Variants in BBS9 observed in about 807,000 individuals in gnomAD.
BBS9 encodes the protein Bardet-Biedl syndrome 9, also known as protein PTHB1.
BBS9 carries 89 observed loss-of-function variants against 117.7 expected under a neutral mutation model. The ratio of observed to expected loss-of-function variants is 0.76; its 90% confidence interval spans 0.64 to 0.90. The LOEUF (loss-of-function observed/expected upper bound fraction) is 0.90, where lower values mean the gene tolerates loss of function less well. BBS9 is among the 40% of genes least tolerant of loss of function. The pLI is 0.00. For synonymous variants in BBS9, 379 were observed against 370.9 expected (o/e 1.02, Z -0.25); for missense variants, 982 against 1,042.2 (o/e 0.94, Z 0.80).
At chr7:33,565,147 G>A (rs559896087) in intron 21 of BBS9, among the ~76,000 whole-genome samples, 3 of 152,288 alleles carry the variant, frequency 2.0e-5, no homozygotes, top group South Asian at 4.1e-4. Context: ...AGTGCCTTGA[G>A]CTAGTCTTTG....
At chr7:33,319,783 G>A (rs1811304257) in intron 9 of BBS9, among the ~76,000 whole-genome samples, 1 of 152,102 alleles carries the variant, frequency 6.6e-6, no homozygotes, top group African/African-American at 2.4e-5. Context: ...CCCACAGAGT[G>A]GGAGAAAATC....
downstream of BBS9, among the ~76,000 whole-genome samples, chr7:33,609,112 G>A (rs1166399181): frequency 6.6e-6 from 1 of 151,884 alleles, no homozygotes; most frequent in Non-Finnish European, 1.5e-5. Context: ...TATTGAACAG[G>A]GATCCCTTTC....
At chr7:33,245,491 T>C (rs775935577) in intron 5 of BBS9, among the ~76,000 whole-genome samples, 15 of 152,292 alleles carry the variant, frequency 9.8e-5, no homozygotes, top group Non-Finnish European at 2.1e-4. Flanking sequence ...TTCAGGACTT[T>C]CACCTTATAT....
At chr7:33,559,909 G>A (rs977327536) in intron 21 of BBS9, among the ~76,000 whole-genome samples, 3 of 152,036 alleles carry the variant, frequency 2.0e-5, no homozygotes, top group African/African-American at 7.2e-5. Flanking sequence ...CTGATCCTGG[G>A]CATATTATTC....
chr7:33,352,811 T>C, intron 14 of BBS9, 48 bp from the exon 15 acceptor site: 1 of 1,594,418 alleles, frequency 6.3e-7, no homozygotes, highest in Non-Finnish European at 8.6e-7. Flanking sequence ...AGATAATTTG[T>C]TGCCTTCTTT....
intron 21 of BBS9, among the ~76,000 whole-genome samples, chr7:33,633,037 A>G (rs1320298271): frequency 2.0e-5 from 3 of 152,130 alleles, no homozygotes; most frequent in Admixed American, 1.3e-4. Context: ...CAGGCGGCCC[A>G]AACTAGGATT....
chr7:33,613,515 G>A (rs1020863611), intron 21 of BBS9, among the ~76,000 whole-genome samples: 1 of 151,974 alleles, frequency 6.6e-6, no homozygotes, highest in Non-Finnish European at 1.5e-5. Flanking sequence ...GAGTTGGAAG[G>A]CTGTGAGGGG....
At chr7:33,296,218 G>A (rs903408034) in intron 9 of BBS9, among the ~76,000 whole-genome samples, 6 of 152,172 alleles carry the variant, frequency 3.9e-5, no homozygotes, top group African/African-American at 1.4e-4. Context: ...GGAATTCTCC[G>A]TTAGAGACTC....
At chr7:33,592,860 T>C (rs1270205863) in intron 21 of BBS9, among the ~76,000 whole-genome samples, 1 of 152,148 alleles carries the variant, frequency 6.6e-6, no homozygotes, top group East Asian at 1.9e-4. Flanking sequence ...TCTCTTATTA[T>C]GTGGTGTCCA....
intron 19 of BBS9, among the ~76,000 whole-genome samples, chr7:33,472,175 A>C (rs1207439604): frequency 6.6e-6 from 1 of 152,198 alleles, no homozygotes; most frequent in African/African-American, 2.4e-5. Context: ...TCTTGCAGAG[A>C]AATGATATTT....
chr7:33,367,714 G>C (rs921712844), intron 16 of BBS9, 53 bp from the exon 17 acceptor site: 1 of 1,472,612 alleles, frequency 6.8e-7, no homozygotes, highest in African/African-American at 1.4e-5. Flanking sequence ...TATTTCAAAT[G>C]TGTTCATTTT....
chr7:33,391,885 TA>T (rs542493711), intron 19 of BBS9, among the ~76,000 whole-genome samples: 14 of 152,328 alleles, frequency 9.2e-5, no homozygotes, highest in African/African-American at 1.2e-4. Context: ...ACATGAGGTT[TA>T]AAAAAACGTT....
chr7:33,226,237 T>C (rs1562832923), intron 5 of BBS9, among the ~76,000 whole-genome samples: 1 of 152,224 alleles, frequency 6.6e-6, no homozygotes, highest in Non-Finnish European at 1.5e-5. Flanking sequence ...AGATTTTTTT[T>C]TTCCAGGAGA....
chr7:33,478,722 T>C (rs1003259852), intron 19 of BBS9, among the ~76,000 whole-genome samples: 3 of 152,152 alleles, frequency 2.0e-5, no homozygotes, highest in Non-Finnish European at 2.9e-5. Flanking sequence ...TTCTTTTTAT[T>C]TCACATAAAT....
intron 21 of BBS9, among the ~76,000 whole-genome samples, chr7:33,567,882 A>G (rs1857156795): frequency 6.6e-6 from 1 of 152,200 alleles, no homozygotes; most frequent in Non-Finnish European, 1.5e-5. Context: ...AGATTTAAAT[A>G]GATGCATAAA....
Position 33,533,991 on chromosome 7 carries a change from T to A in BBS9, c.2336T>A (p.Leu779Gln), listed in dbSNP as rs142434516. 3.1e-4 allele frequency: 500 copies of A among 1,614,250 alleles called. 1 individual carries two copies. The African/African-American group carries it at 6.2e-3, about 20-fold the overall frequency. The part of the protein sequence containing the change: ...EETVDAAISH[L>Q]LKTCLSKSSK... ...ACGGTGGATGCCGCCATTTCCCACC[T>A]GTTGAAGACTTGCCTGTCGAAGAGT... Residue 779 changes from leucine to glutamine, a missense_variant, in exon 21 of 23, where the codon CTG becomes CAG. Physicochemically the swap from Leu to Gln is moderately radical, Grantham distance 113 (BLOSUM62 -2). Transcript: ENST00000242067.
At chr7:33,542,709 G>A (rs368692490) in intron 21 of BBS9, among the ~76,000 whole-genome samples, 64,415 of 141,170 alleles carry the variant, frequency 0.46, 14,735 homozygotes, top group South Asian at 0.58. Flanking sequence ...ATGTGTGTGT[G>A]TGTGTGTGTG....
chr7:33,242,530 T>G (rs142129640), intron 5 of BBS9, among the ~76,000 whole-genome samples: 126 of 151,792 alleles, frequency 8.3e-4, no homozygotes, highest in African/African-American at 2.9e-3. Flanking sequence ...AGCTTCTAAA[T>G]TTTATTTACT....
chr7:33,436,979 G>T (rs1835392135), intron 19 of BBS9, among the ~76,000 whole-genome samples: 1 of 152,164 alleles, frequency 6.6e-6, no homozygotes, highest in African/African-American at 2.4e-5. Flanking sequence ...ATGAACTTTG[G>T]TGGTGAGATT....
Sources: gnomAD v4.1 joint callset for allele counts (sites outside exome capture counted in the v4.1 genomes callset) on GRCh38, gnomAD v4.1.1 for gene constraint, MANE v1.5 for transcripts, NCBI Gene and HGNC (gene_info 2026-07-23, HGNC 2026-07-21) for gene names.